B3GALT1: variants seen among roughly 807,000 people sequenced by gnomAD.
The protein encoded by B3GALT1 is UDP-Gal:betaGlcNAc beta 1,3-galactosyltransferase, polypeptide 1.
In B3GALT1, 10 loss-of-function variants were observed where a neutral mutation model predicts 23.2. That is an observed-to-expected ratio of 0.43 (90% CI 0.27 to 0.73). The LOEUF is 0.73. Ranked by LOEUF, B3GALT1 falls within the 30% of genes least tolerant of loss-of-function variation. B3GALT1 has a pLI of 0.21. For missense variants in B3GALT1, 299 were observed against 405.4 expected, an observed-to-expected ratio of 0.74 and a Z score of 2.25; for synonymous variants, 156 against 141.5, an observed-to-expected ratio of 1.10 and a Z score of -0.73.
rs534817161 is a variant in B3GALT1, at chr2:167,871,653, A to C, written c.*1633A>C. On this transcript the variant is annotated 3_prime_UTR_variant, in exon 5 of 5. Transcript: ENST00000392690. The stretch of plus-strand genomic sequence containing the variant: ...CCTCTGGTTGGGGTATATTACAGTA[A>C]ATGAAGCATATACTTTGCAAAATGC... 6.6e-6 allele frequency: 1 copy of C among 152,282 alleles called. No homozygotes were observed. Among genetic ancestry groups the C allele is most frequent in the South Asian group, 2.1e-4 (1 of 4,826 alleles). The allele number at this position is 152,282 out of a possible 1,614,324, so 9.4% of individuals were successfully genotyped here.
intron 2 of B3GALT1, among the ~76,000 whole-genome samples, chr2:167,579,464 G>A (rs140694087): frequency 4.3e-4 from 28 of 65,152 alleles, no homozygotes; most frequent in African/African-American, 2.2e-3. Context: ...AAATTCTGAT[G>A]TCTGGTCTCC....
chr2:167,591,004 C>A (rs1287601221), intron 2 of B3GALT1, among the ~76,000 whole-genome samples: 1 of 152,048 alleles, frequency 6.6e-6, no homozygotes, highest in Non-Finnish European at 1.5e-5. Flanking sequence ...TGACAGACAC[C>A]ACAATAGGCA....
At chr2:167,591,463 AATTTATTT>A (rs982865872) in intron 2 of B3GALT1, among the ~76,000 whole-genome samples, 3 of 151,798 alleles carry the variant, frequency 2.0e-5, no homozygotes, top group Non-Finnish European at 2.9e-5. Flanking sequence ...TACTTTAATT[AATTTATTT>A]ATTTATTTAT....
intron 3 of B3GALT1, among the ~76,000 whole-genome samples, chr2:167,699,332 C>A (rs1686837998): frequency 6.7e-6 from 1 of 148,542 alleles, no homozygotes; most frequent in South Asian, 2.1e-4. Context: ...GAAGTTGTTG[C>A]AGGAAGGGTA....
At chr2:167,830,375 T>TAAAAA (rs59253266) in intron 4 of B3GALT1, among the ~76,000 whole-genome samples, 1 of 142,142 alleles carries the variant, frequency 7.0e-6, no homozygotes, top group African/African-American at 2.6e-5. Flanking sequence ...CGTTCATACT[T>TAAAAA]AAAAAAAAAA....
At chr2:167,598,468 T>C (rs1684820854) in intron 2 of B3GALT1, among the ~76,000 whole-genome samples, 1 of 152,160 alleles carries the variant, frequency 6.6e-6, no homozygotes, top group Admixed American at 6.6e-5. Flanking sequence ...TCAGGTGCTG[T>C]GCAGAATTTA....
chr2:167,602,666 G>A (rs1334437755), intron 2 of B3GALT1, among the ~76,000 whole-genome samples: 1 of 152,032 alleles, frequency 6.6e-6, no homozygotes, highest in East Asian at 1.9e-4. Context: ...TAGGAACAGT[G>A]GATTAAATAT....
chr2:167,519,829 TG>T (rs1700160920), intron 2 of B3GALT1, among the ~76,000 whole-genome samples: 1 of 152,138 alleles, frequency 6.6e-6, no homozygotes, highest in African/African-American at 2.4e-5. Context: ...CCCAGTGCTT[TG>T]GGAGGCCAAG....
chr2:167,558,683 G>T (rs557884172), intron 2 of B3GALT1, among the ~76,000 whole-genome samples: 1 of 152,200 alleles, frequency 6.6e-6, no homozygotes, highest in South Asian at 2.1e-4. Context: ...AGGTTCCTAC[G>T]CCCATGGAGT....
In B3GALT1 at chr2:167,351,343, T is replaced by C. The variant is rs552038803; in HGVS notation, c.-511+58009T>C. Among the ~76,000 whole-genome samples, 18 of 152,132 alleles carry C rather than the reference T, an allele frequency of 1.2e-4. No homozygotes were observed. The East Asian group carries it at 3.1e-3, about 26-fold the overall frequency. Reference sequence around the variant, plus strand: ...AATGTCATTTTAAGTTTTGTCCTACTGGAGGTGTTTTTGTACAATCTTTCT... The same window carrying C: ...AATGTCATTTTAAGTTTTGTCCTACCGGAGGTGTTTTTGTACAATCTTTCT... On this transcript the variant is annotated intron_variant, in intron 1 of 4. Transcript: ENST00000392690.
intron 3 of B3GALT1, among the ~76,000 whole-genome samples, chr2:167,806,960 T>C (rs150152059): frequency 0.035 from 5,345 of 152,270 alleles, 150 homozygotes; most frequent in South Asian, 0.069. Context: ...TTTTTTTGGT[T>C]AGTAAGCTAT....
intron 2 of B3GALT1, among the ~76,000 whole-genome samples, chr2:167,544,156 A>C (rs1294020477): frequency 6.6e-6 from 1 of 152,246 alleles, no homozygotes; most frequent in African/African-American, 2.4e-5. Context: ...GACCTGGGTC[A>C]CATGAAGACC....
At chr2:167,552,799 G>T (rs527515747) in intron 2 of B3GALT1, among the ~76,000 whole-genome samples, 1 of 152,272 alleles carries the variant, frequency 6.6e-6, no homozygotes, top group East Asian at 1.9e-4. Context: ...AAACCAGTGT[G>T]CATGACTACA....
chr2:167,644,779 TAAAAAA>T (rs199652424), intron 2 of B3GALT1, among the ~76,000 whole-genome samples: 1 of 91,168 alleles, frequency 1.1e-5, no homozygotes, highest in Non-Finnish European at 2.1e-5. Context: ...GACTCTGTCT[TAAAAAA>T]AAAAAAAAAA....
chr2:167,536,124 G>T (rs1683420081), intron 2 of B3GALT1, among the ~76,000 whole-genome samples: 1 of 151,972 alleles, frequency 6.6e-6, no homozygotes, highest in African/African-American at 2.4e-5. Flanking sequence ...TCAGGCTGGT[G>T]TCAAACTCCT....
rs1486671820 is a variant in B3GALT1, at chr2:167,713,889, T to C, written c.-352+66923T>C. The C allele has an allele frequency of 1.9e-6, 3 of 1,584,572 alleles. No individual in the cohort carries two copies. In the African/African-American group the frequency reaches 4.0e-5, roughly 21 times the overall value. Reference sequence around the variant, plus strand: ...AAATAACCTCGTGAAGCTCCAAACATGGTTCCTGGAGGAGGTTGGGGGAAA... The same window carrying C: ...AAATAACCTCGTGAAGCTCCAAACACGGTTCCTGGAGGAGGTTGGGGGAAA... On this transcript the variant is annotated intron_variant, in intron 3 of 4. Coordinates refer to ENST00000392690, the MANE Select transcript of B3GALT1 (RefSeq NM_020981.4).
At chr2:167,857,757 A>T (rs2105426393) in intron 4 of B3GALT1, among the ~76,000 whole-genome samples, 1 of 152,278 alleles carries the variant, frequency 6.6e-6, no homozygotes, top group East Asian at 1.9e-4. Context: ...GCTTGGTTAA[A>T]AAGCTACTCT....
rs769196305 is a variant in B3GALT1 at position 167,715,450 on chromosome 2, C to G, written c.-352+68484C>G. 88 of 1,606,532 alleles carry G rather than the reference C, an allele frequency of 5.5e-5. 1 individual carries two copies. The highest frequency in any genetic ancestry group is 6.6e-5 in the Non-Finnish European group (77 of 1,173,260). On this transcript the variant is annotated intron_variant, in intron 3 of 4. Transcript: ENST00000392690. ...CACTCAAAGCATCTTTTATTGCTAT[C>G]GCCCGTCGTTCTTCAGTCATTGGAA...
intron 3 of B3GALT1, among the ~76,000 whole-genome samples, chr2:167,757,272 C>T (rs892262773): frequency 1.3e-5 from 2 of 152,140 alleles, no homozygotes; most frequent in Admixed American, 6.5e-5. Flanking sequence ...TCCCAGCCCA[C>T]CCATCCAGAC....
Sources: gnomAD v4.1 joint callset for allele counts (sites outside exome capture counted in the v4.1 genomes callset) on GRCh38, gnomAD v4.1.1 for gene constraint, MANE v1.5 for transcripts, NCBI Gene and HGNC (gene_info 2026-07-23, HGNC 2026-07-21) for gene names.